Variants in IMPG2 observed in about 807,000 individuals in gnomAD.
IMPG2 encodes the protein interphotoreceptor matrix proteoglycan 2.
IMPG2 carries 91 observed loss-of-function variants against 129.2 expected under a neutral mutation model. The observed-to-expected ratio is 0.70, with a 90% confidence interval of 0.59 to 0.84. The LOEUF is 0.84. Ranked by LOEUF, IMPG2 falls within the 40% of genes least tolerant of loss-of-function variation. The pLI, the probability that IMPG2 is intolerant of heterozygous loss-of-function variation, is 0.00. For missense variants in IMPG2, 1,430 were observed against 1,461.7 expected, an observed-to-expected ratio of 0.98 and a Z score of 0.35; for synonymous variants, 510 against 517.7, an observed-to-expected ratio of 0.99 and a Z score of 0.20.
chr3:101,257,450 T>A (rs1467488627), intron 10 of IMPG2, 79 bp downstream of exon 10: 2 of 1,544,198 alleles, frequency 1.3e-6, no homozygotes, highest in African/African-American at 2.7e-5. Context: ...GAACCTTATA[T>A]ATTTCAGGAA....
At chr3:101,236,600 G>A (rs866199169) in intron 14 of IMPG2, among the ~76,000 whole-genome samples, 2 of 152,148 alleles carry the variant, frequency 1.3e-5, no homozygotes, top group Non-Finnish European at 1.5e-5. Context: ...GCAAGGGGTT[G>A]GGGTACTCCC....
intron 2 of IMPG2, among the ~76,000 whole-genome samples, chr3:101,307,359 A>G (rs1242847454): frequency 2.0e-5 from 3 of 152,218 alleles, no homozygotes; most frequent in African/African-American, 7.2e-5. Context: ...CTATTGTATT[A>G]GTCCATTCTC....
chr3:101,234,751 C>A (rs1706328174), intron 14 of IMPG2, among the ~76,000 whole-genome samples: 1 of 152,128 alleles, frequency 6.6e-6, no homozygotes, highest in African/African-American at 2.4e-5. Flanking sequence ...CTGCATAGCT[C>A]TCCTTTGTTA....
intron 2 of IMPG2, among the ~76,000 whole-genome samples, chr3:101,319,006 A>C (rs1261440560): frequency 6.6e-6 from 1 of 152,112 alleles, no homozygotes; most frequent in African/African-American, 2.4e-5. Context: ...CAGAATATCT[A>C]AACTATAAAA....
At chr3:101,246,175 C>T in intron 11 of IMPG2, 70 bp from the exon 12 acceptor site, 1 of 1,446,932 alleles carries the variant, frequency 6.9e-7, no homozygotes, top group Non-Finnish European at 9.5e-7. Context: ...TTAAATACCA[C>T]CTATCTGTCT....
At chr3:101,256,221 A>AAAGAAAG (rs879352995) in intron 10 of IMPG2, among the ~76,000 whole-genome samples, 39 of 131,562 alleles carry the variant, frequency 3.0e-4, no homozygotes, top group East Asian at 1.7e-3. Context: ...AAGAAAGAAA[A>AAAGAAAG]AAATATCTTA....
chr3:101,276,574 G>T, intron 5 of IMPG2, 90 bp downstream of exon 5: 1 of 846,094 alleles, frequency 1.2e-6, no homozygotes. Flanking sequence ...ATTTTTAAAA[G>T]GTAAGCTGCA....
intron 2 of IMPG2, among the ~76,000 whole-genome samples, chr3:101,305,734 A>C (rs1242792618): frequency 1.3e-5 from 2 of 152,198 alleles, no homozygotes; most frequent in African/African-American, 4.8e-5. Flanking sequence ...TTCAGGAGAA[A>C]TATATTGCTG....
In IMPG2 at chr3:101,257,538, G is replaced by T; in HGVS notation, c.1144C>A (p.Leu382Ile). ...TGGATATCAAACTCACCATTGATAA[G>T]CTGCAGGGAATCAGGATCTGGATTC... ...SLNPDPDSLQ[L>I]INVRGVLRHQ... Residue 382 changes from leucine to isoleucine, a missense_variant, in exon 10 of 19, where the codon CTT (leucine) becomes ATT (isoleucine). Transcript: ENST00000193391. 6.2e-7 allele frequency: 1 copy of T among 1,613,278 alleles called. No homozygotes were observed. Among genetic ancestry groups the T allele is most frequent in the South Asian group, 1.1e-5 (1 of 91,076 alleles).
chr3:101,254,310 T>C (rs1284209621), intron 10 of IMPG2, among the ~76,000 whole-genome samples: 1 of 152,134 alleles, frequency 6.6e-6, no homozygotes, highest in African/African-American at 2.4e-5. Context: ...AAAAATTTAA[T>C]GAATCCTTGC....
chr3:101,312,850 G>A (rs1256784728), intron 2 of IMPG2, among the ~76,000 whole-genome samples: 4 of 152,098 alleles, frequency 2.6e-5, no homozygotes, highest in Non-Finnish European at 4.4e-5. Context: ...TATATTATAC[G>A]ATCTTATTTT....
intron 8 of IMPG2, among the ~76,000 whole-genome samples, chr3:101,269,030 T>C (rs967274218): frequency 1.3e-5 from 2 of 152,226 alleles, no homozygotes; most frequent in African/African-American, 4.8e-5. Context: ...TGTTCACAAG[T>C]GTTACACTGT....
intron 4 of IMPG2, among the ~76,000 whole-genome samples, chr3:101,283,172 G>A (rs998909820): frequency 5.3e-5 from 8 of 152,088 alleles, no homozygotes; most frequent in African/African-American, 1.2e-4. Context: ...ACAGGTGCAC[G>A]CCACCATGCC....
chr3:101,256,702 C>T (rs1170427830), intron 10 of IMPG2, among the ~76,000 whole-genome samples: 1 of 152,126 alleles, frequency 6.6e-6, no homozygotes, highest in African/African-American at 2.4e-5. Context: ...TTAGCATTGC[C>T]TCACATGAAG....
chr3:101,308,089 G>C (rs575083659), intron 2 of IMPG2, among the ~76,000 whole-genome samples: 25 of 152,208 alleles, frequency 1.6e-4, no homozygotes, highest in Non-Finnish European at 1.5e-4. Context: ...CCACAGTCTT[G>C]GGCAGCTCCA....
Position 101,224,032 on chromosome 3 carries a change from C to G in IMPG2, c.*2937G>C, listed in dbSNP as rs974783830. 7.2e-5 allele frequency: 11 copies of G among 152,150 alleles called. No homozygotes were observed. Among genetic ancestry groups the G allele is most frequent in the African/African-American group, 2.7e-4 (11 of 41,422 alleles). 9.4% of individuals were successfully genotyped at this position (152,150 alleles called of 1,614,324 possible). On this transcript the variant is annotated 3_prime_UTR_variant, in exon 19 of 19. Transcript: ENST00000193391. Reference sequence around the variant, plus strand: ...TGGTGGTGGGTGTCTGTAACCCCAGCTACTCAGGAAGCTGAAGCACGAGAA... The same window carrying G: ...TGGTGGTGGGTGTCTGTAACCCCAGGTACTCAGGAAGCTGAAGCACGAGAA...
intron 14 of IMPG2, among the ~76,000 whole-genome samples, chr3:101,236,788 C>G (rs1348371087): frequency 6.6e-6 from 1 of 152,320 alleles, no homozygotes; most frequent in South Asian, 2.1e-4. Flanking sequence ...GCACAGACAC[C>G]AAGCTAGCTG....
intron 2 of IMPG2, among the ~76,000 whole-genome samples, chr3:101,310,799 A>G (rs1366542217): frequency 6.6e-6 from 1 of 152,180 alleles, no homozygotes; most frequent in East Asian, 1.9e-4. Flanking sequence ...ATAAATCACC[A>G]GGCTTCATAG....
At chr3:101,251,380 C>A (rs1248738817) in intron 11 of IMPG2, among the ~76,000 whole-genome samples, 1 of 151,960 alleles carries the variant, frequency 6.6e-6, no homozygotes, top group African/African-American at 2.4e-5. Context: ...AAAGACCATC[C>A]CTTCCAGGAT....
Sources: gnomAD v4.1 joint callset for allele counts (sites outside exome capture counted in the v4.1 genomes callset) on GRCh38, gnomAD v4.1.1 for gene constraint, MANE v1.5 for transcripts, NCBI Gene and HGNC (gene_info 2026-07-23, HGNC 2026-07-21) for gene names.